TMEM87A: variants seen among roughly 807,000 people sequenced by gnomAD.
TMEM87A encodes Golgi-pH regulating cation channel.
TMEM87A carries 50 observed loss-of-function variants against 90.0 expected under a neutral mutation model. The ratio of observed to expected loss-of-function variants is 0.56; its 90% CI spans 0.44 to 0.70. TMEM87A has a LOEUF of 0.70. TMEM87A is among the 30% of genes least tolerant of loss of function. The pLI is 0.00. For synonymous variants in TMEM87A, 226 were observed against 226.7 expected (o/e 1.00, Z 0.03); for missense variants, 577 against 660.5 (o/e 0.87, Z 1.39).
At chr15:42,235,997 T>C (rs1317916934) in intron 10 of TMEM87A, among the ~76,000 whole-genome samples, 1 of 151,970 alleles carries the variant, frequency 6.6e-6, no homozygotes, top group Non-Finnish European at 1.5e-5. Context: ...GCGTTTCCCA[T>C]AAAAAATCTA....
chr15:42,254,964 CTTTT>C (rs60449122), intron 6 of TMEM87A, among the ~76,000 whole-genome samples: 17 of 125,394 alleles, frequency 1.4e-4, no homozygotes, highest in Admixed American at 1.6e-4. Flanking sequence ...GGGAGGTCTC[CTTTT>C]TTTTTTTTTT....
At position 42,258,789 on chromosome 15, in the gene TMEM87A, T is replaced by C; in HGVS notation, c.504+2169A>G. On this transcript the variant is annotated intron_variant, in intron 6 of 19. Transcript: ENST00000389834. ...CTGTCATGCCTAACTTACATTCAGT[T>C]AAAATTCTGTACAAATAAAACTGGG... is the stretch of plus-strand genomic sequence containing the variant. The C allele has an allele frequency of 2.1e-6, 3 of 1,447,726 alleles. 1 individual carries two copies. In the South Asian group the frequency reaches 4.6e-5, roughly 22 times the overall value. 89.7% of individuals were successfully genotyped at this position (1,447,726 alleles called of 1,614,324 possible).
At chr15:42,254,614 TA>T (rs1190932907) in intron 6 of TMEM87A, among the ~76,000 whole-genome samples, 1 of 152,170 alleles carries the variant, frequency 6.6e-6, no homozygotes, top group East Asian at 1.9e-4. Flanking sequence ...AGAGGTCACA[TA>T]TTTGTACAAT....
chr15:42,266,683 A>T (rs969610237), intron 3 of TMEM87A, among the ~76,000 whole-genome samples: 4 of 152,176 alleles, frequency 2.6e-5, no homozygotes, highest in African/African-American at 9.6e-5. Flanking sequence ...GGCAGTTTTT[A>T]AAAATGCCAC....
chr15:42,268,195 C>A (rs2051443496), intron 2 of TMEM87A, among the ~76,000 whole-genome samples, 163 bp from the exon 3 acceptor site: 1 of 152,122 alleles, frequency 6.6e-6, no homozygotes, highest in South Asian at 2.1e-4. Context: ...GCAAAAAGAG[C>A]TGGATATTAA....
intron 12 of TMEM87A, among the ~76,000 whole-genome samples, chr15:42,230,744 A>G (rs552547656): frequency 1.6e-3 from 243 of 152,366 alleles, no homozygotes; most frequent in African/African-American, 5.7e-3. Context: ...AGAGTTTCAG[A>G]AAAGTCAAAG....
At position 42,237,585 on chromosome 15, in the gene TMEM87A, G is replaced by C; in HGVS notation, c.715C>G (p.Leu239Val). 6.2e-7 allele frequency: 1 copy of C among 1,613,394 alleles called. No individual in the cohort carries two copies. Among genetic ancestry groups the C allele is most frequent in the South Asian group, 1.1e-5 (1 of 90,992 alleles). ...CATGCCAGCCACAGAACACCAAACA[G>C]GACATATACAATACACATCACCATG... ...FFMVMCIVYV[L>V]FGVLWLAWSA... Residue 239 changes from leucine (L) to valine (V), a missense_variant, in exon 9 of 20, where the codon CTG (leucine) becomes GTG (valine). Leu to Val is a conservative substitution (Grantham distance 32). Transcript: ENST00000389834.
At chr15:42,272,253 A>T in intron 1 of TMEM87A, 130 bp from the exon 2 acceptor site, 1 of 571,596 alleles carries the variant, frequency 1.7e-6, no homozygotes, top group Non-Finnish European at 3.0e-6. Context: ...TAATCAGTTC[A>T]TTCCCTTTAC....
intron 11 of TMEM87A, 78 bp downstream of exon 11, chr15:42,233,135 A>T: frequency 8.0e-7 from 1 of 1,248,102 alleles, no homozygotes; most frequent in Non-Finnish European, 1.2e-6. Flanking sequence ...AAGCCCACAG[A>T]CATTTCCAAT....
At chr15:42,267,863 A>G in intron 3 of TMEM87A, 84 bp downstream of exon 3, 15 of 1,109,674 alleles carry the variant, frequency 1.4e-5, no homozygotes, top group Non-Finnish European at 1.7e-5. Context: ...TAGCTACATG[A>G]TACTCTTTCC....
At chr15:42,237,645 G>A in intron 8 of TMEM87A, 30 bp from the exon 9 acceptor site, 1 of 1,522,376 alleles carries the variant, frequency 6.6e-7, no homozygotes, top group South Asian at 1.3e-5. Context: ...AAGATAAAAA[G>A]GAGAATTAGG....
intron 19 of TMEM87A, among the ~76,000 whole-genome samples, chr15:42,212,038 T>G (rs543755096): frequency 6.6e-6 from 1 of 152,240 alleles, no homozygotes; most frequent in East Asian, 1.9e-4. Context: ...TTACATAAGA[T>G]TAGGCTTTAA....
chr15:42,264,810 T>C (rs1183934176), intron 3 of TMEM87A, among the ~76,000 whole-genome samples: 1 of 151,710 alleles, frequency 6.6e-6, no homozygotes, highest in Non-Finnish European at 1.5e-5. Context: ...ACCCAGGTAC[T>C]GCCTAGTACT....
chr15:42,226,434 GA>G (rs1380019706), intron 15 of TMEM87A, among the ~76,000 whole-genome samples: 1 of 151,984 alleles, frequency 6.6e-6, no homozygotes, highest in African/African-American at 2.4e-5. Context: ...ATATGCACTG[GA>G]AAAAACAAAA....
At chr15:42,253,917 A>G (rs923714126) in intron 6 of TMEM87A, among the ~76,000 whole-genome samples, 2 of 152,230 alleles carry the variant, frequency 1.3e-5, no homozygotes, top group African/African-American at 2.4e-5. Context: ...CTGAAGCACA[A>G]TAACATTTCC....
At chr15:42,271,538 G>C (rs879712267) in intron 2 of TMEM87A, 1 of 152,080 alleles carries the variant, frequency 6.6e-6, no homozygotes, top group Non-Finnish European at 1.5e-5. Flanking sequence ...CCTATGTTTA[G>C]ATATACAAAA....
At chr15:42,247,513 A>G (rs1367300605) in intron 6 of TMEM87A, among the ~76,000 whole-genome samples, 1 of 152,226 alleles carries the variant, frequency 6.6e-6, no homozygotes, top group African/African-American at 2.4e-5. Context: ...ATGCCTAGCC[A>G]GTTTTCCCAG....
chr15:42,215,985 C>T (rs369075346), intron 19 of TMEM87A, among the ~76,000 whole-genome samples: 2 of 152,142 alleles, frequency 1.3e-5, no homozygotes, highest in East Asian at 1.9e-4. Context: ...GGAAATAACC[C>T]GTGTCCACTG....
intron 15 of TMEM87A, among the ~76,000 whole-genome samples, chr15:42,225,312 GAA>G (rs2050570060): frequency 3.3e-5 from 5 of 151,556 alleles, no homozygotes; most frequent in African/African-American, 1.2e-4. Flanking sequence ...GGGGGGGGGG[GAA>G]GGCATAATCA....
Sources: gnomAD v4.1 joint callset for allele counts (sites outside exome capture counted in the v4.1 genomes callset) on GRCh38, gnomAD v4.1.1 for gene constraint, MANE v1.5 for transcripts, NCBI Gene and HGNC (gene_info 2026-07-23, HGNC 2026-07-21) for gene names.